AZI2: variants seen among roughly 807,000 people sequenced by gnomAD.
AZI2 encodes the protein 5-azacytidine induced 2.
AZI2 carries 22 observed loss-of-function variants against 45.8 expected under a neutral mutation model. The ratio of observed to expected loss-of-function variants is 0.48; its 90% confidence interval spans 0.34 to 0.69. The LOEUF is 0.69. Ranked by LOEUF, AZI2 falls within the 30% of genes least tolerant of loss-of-function variation. The probability of loss-of-function intolerance (pLI) is 0.01; values close to 1 mark genes in which losing one functional copy is unlikely to be tolerated. For synonymous variants in AZI2, 137 were observed against 156.7 expected (o/e 0.87, Z 0.94); for missense variants, 417 against 441.5 (o/e 0.94, Z 0.50).
chr3:28,339,124 T>C (rs1975829), intron 2 of AZI2, among the ~76,000 whole-genome samples: 80,211 of 151,586 alleles, frequency 0.53, 21,730 homozygotes, highest in African/African-American at 0.57. Flanking sequence ...GGAATATAGG[T>C]GCACCACCAC....
intron 1 of AZI2, among the ~76,000 whole-genome samples, chr3:28,345,016 A>G (rs1032932292): frequency 6.6e-6 from 1 of 152,152 alleles, no homozygotes; most frequent in Non-Finnish European, 1.5e-5. Flanking sequence ...TTCCAAGGGC[A>G]TTCTAAGAAG....
At chr3:28,334,412 T>A (rs1200335895) in intron 5 of AZI2, among the ~76,000 whole-genome samples, 4 of 151,994 alleles carry the variant, frequency 2.6e-5, no homozygotes, top group African/African-American at 9.7e-5. Context: ...AGATTTCAAC[T>A]TGGAATCCTT....
In AZI2 at chr3:28,324,352, G is replaced by T; in HGVS notation, c.869C>A (p.Pro290Gln). 1 of 1,596,962 alleles carries T rather than the reference G, an allele frequency of 6.3e-7. No individual in the cohort carries two copies. The highest frequency in any genetic ancestry group is 1.7e-5 in the Admixed American group (1 of 58,164). ...ATYTRHPPLL[P>Q]NGKALCHTTS... ...GGTATGACAAAGAGCTTTGCCATTT[G>T]GTAAGAGAGGGGGATGTCTTGTGTA... The change falls in exon 8 of 8, where the codon CCA (proline) becomes CAA (glutamine). Residue 290 changes from proline (P) to glutamine (Q), a missense_variant. Pro to Gln is a moderately conservative substitution (Grantham distance 76). Coordinates refer to ENST00000479665, the MANE Select transcript of AZI2 (RefSeq NM_022461.5).
intron 5 of AZI2, 145 bp downstream of exon 5, chr3:28,336,592 T>C (rs1481381792): frequency 1.1e-6 from 1 of 872,734 alleles, no homozygotes; most frequent in Admixed American, 3.3e-5. Context: ...AAGAGGTAGA[T>C]AAACAAGAAT....
intron 6 of AZI2, among the ~76,000 whole-genome samples, chr3:28,327,526 A>G (rs1356329092): frequency 1.3e-5 from 2 of 151,094 alleles, no homozygotes; most frequent in African/African-American, 4.8e-5. Flanking sequence ...AGCACAAGAC[A>G]TGAAGAGCCA....
In AZI2 at chr3:28,340,608, G is replaced by A. The variant is rs901456419; in HGVS notation, c.10C>T (p.Leu4=). Residue 4 remains leucine (L), a synonymous_variant, in exon 2 of 8, where the codon CTG becomes TTG. Transcript: ENST00000479665. MDA[L]VEDDICILNH... ...AGAATACAGATATCATCTTCTACCA[G>A]TGCATCCATGACAACTGTTTAAAAG... 7 of 1,607,012 alleles carry A rather than the reference G, an allele frequency of 4.4e-6. No individual in the cohort carries two copies. Among genetic ancestry groups the A allele is most frequent in the East Asian group, 4.5e-5 (2 of 44,702 alleles).
At chr3:28,333,023 G>A (rs1029440413) in intron 5 of AZI2, among the ~76,000 whole-genome samples, 10 of 151,736 alleles carry the variant, frequency 6.6e-5, no homozygotes, top group African/African-American at 2.4e-4. Context: ...ATTTTTAAAT[G>A]ACTTAGTATG....
chr3:28,328,946 T>C (rs546939948), intron 6 of AZI2, among the ~76,000 whole-genome samples: 17 of 151,334 alleles, frequency 1.1e-4, no homozygotes, highest in Non-Finnish European at 2.1e-4. Context: ...ATTAAACCTC[T>C]TATCTAGGTA....
intron 5 of AZI2, among the ~76,000 whole-genome samples, chr3:28,333,775 T>C (rs1366348148): frequency 6.6e-6 from 1 of 151,566 alleles, no homozygotes; most frequent in Non-Finnish European, 1.5e-5. Flanking sequence ...TAGTGCCACA[T>C]GATGTGGGAG....
rs138479573 is a variant in AZI2 at position 28,334,393 on chromosome 3, T to G, written c.589-1966A>C. 4.4e-3 allele frequency among the ~76,000 whole-genome samples: 665 copies of G among 152,058 alleles called. 10 individuals are homozygous for G. The highest frequency in any genetic ancestry group is 0.015 in the African/African-American group (628 of 41,552). On this transcript the variant is annotated intron_variant, in intron 5 of 7. Transcript: ENST00000479665. ...ACATCACTGAAACAAGATTTGAAAG[T>G]ATGCATCAAGATTTCAACTTGGAAT...
intron 6 of AZI2, among the ~76,000 whole-genome samples, chr3:28,330,690 G>A (rs1294232612): frequency 6.6e-6 from 1 of 151,290 alleles, no homozygotes; most frequent in South Asian, 2.1e-4. Context: ...AACCAGAAGA[G>A]AGAAACCTAA....
chr3:28,330,792 G>A (rs903170643), intron 6 of AZI2, among the ~76,000 whole-genome samples: 1 of 151,334 alleles, frequency 6.6e-6, no homozygotes, highest in Non-Finnish European at 1.5e-5. Flanking sequence ...AGAGCCACTG[G>A]AACATGCTGT....
At chr3:28,325,802 C>A (rs1236944920) in intron 7 of AZI2, among the ~76,000 whole-genome samples, 1 of 151,002 alleles carries the variant, frequency 6.6e-6, no homozygotes, top group Non-Finnish European at 1.5e-5. Flanking sequence ...ACTCTGACCA[C>A]TGGAAAACTC....
chr3:28,347,269 T>A (rs1290822925), intron 1 of AZI2, among the ~76,000 whole-genome samples: 1 of 152,242 alleles, frequency 6.6e-6, no homozygotes, highest in Non-Finnish European at 1.5e-5. Flanking sequence ...AGGTTCTGCA[T>A]TGGTAATTAA....
At chr3:28,336,640 T>G (rs1703801796) in intron 5 of AZI2, 97 bp downstream of exon 5, 1 of 1,261,090 alleles carries the variant, frequency 7.9e-7, no homozygotes, top group African/African-American at 1.5e-5. Context: ...TAATTACAAT[T>G]TATTTTAACT....
At chr3:28,326,586 G>A in intron 7 of AZI2, 1 of 455,334 alleles carries the variant, frequency 2.2e-6, no homozygotes, top group Non-Finnish European at 4.0e-6. Flanking sequence ...GCAACACTTG[G>A]CTGAGAAAAG....
At chr3:28,342,073 G>C (rs1466796444) in intron 1 of AZI2, among the ~76,000 whole-genome samples, 5 of 151,928 alleles carry the variant, frequency 3.3e-5, no homozygotes, top group African/African-American at 4.8e-5. Flanking sequence ...CATTTCTTTT[G>C]CCTTATTTCA....
At chr3:28,327,030 A>G in intron 6 of AZI2, 80 bp from the exon 7 acceptor site, 1 of 964,100 alleles carries the variant, frequency 1.0e-6, no homozygotes, top group South Asian at 1.5e-5. Flanking sequence ...AAATATGCAG[A>G]TCAAGTTTCT....
chr3:28,337,504 C>T (rs1158696576), intron 4 of AZI2, among the ~76,000 whole-genome samples: 1 of 152,108 alleles, frequency 6.6e-6, no homozygotes, highest in East Asian at 1.9e-4. Flanking sequence ...TCCAACTTTC[C>T]ACCCCAACAT....
Sources: allele counts gnomAD v4.1 joint callset (sites outside exome capture counted in the v4.1 genomes callset), GRCh38; gene constraint gnomAD v4.1.1; transcripts MANE v1.5; gene names NCBI Gene and HGNC (gene_info 2026-07-23, HGNC 2026-07-21).